Variants in CNTN6 observed in about 807,000 individuals in gnomAD.
CNTN6 encodes contactin 6.
A neutral mutation model predicts 122.8 loss-of-function variants in CNTN6; 137 were observed. The observed-to-expected ratio is 1.12, with a 90% CI of 0.97 to 1.29. CNTN6 has a LOEUF of 1.29. Ranked by LOEUF, CNTN6 falls within the 50% of genes most tolerant of loss-of-function variation. The pLI, the probability that CNTN6 is intolerant of heterozygous loss-of-function variation, is 0.00. For synonymous variants in CNTN6, 570 were observed against 426.0 expected (o/e 1.34, Z -4.16); for missense variants, 1,634 against 1,223.4 (o/e 1.34, Z -5.01).
At chr3:1,312,606 C>T (rs1485200997) in intron 7 of CNTN6, among the ~76,000 whole-genome samples, 1 of 91,076 alleles carries the variant, frequency 1.1e-5, no homozygotes, top group African/African-American at 6.1e-5. Context: ...CACCTTTTGC[C>T]TCTTATACAA....
At chr3:1,374,561 G>A (rs1353732149) in intron 16 of CNTN6, among the ~76,000 whole-genome samples, 1 of 151,948 alleles carries the variant, frequency 6.6e-6, no homozygotes, top group African/African-American at 2.4e-5. Flanking sequence ...ATTTAACAGG[G>A]GCACTAATTG....
chr3:1,291,629 A>T (rs1024816107), intron 5 of CNTN6, among the ~76,000 whole-genome samples: 6 of 152,240 alleles, frequency 3.9e-5, no homozygotes, highest in Admixed American at 6.5e-5. Flanking sequence ...GGAGTCAATG[A>T]CAACAGGGGA....
At chr3:1,293,050 G>C (rs539245756) in intron 5 of CNTN6, among the ~76,000 whole-genome samples, 1 of 152,166 alleles carries the variant, frequency 6.6e-6, no homozygotes, top group East Asian at 1.9e-4. Flanking sequence ...AGCATTTACT[G>C]TGCTCCTGCT....
intron 4 of CNTN6, among the ~76,000 whole-genome samples, chr3:1,276,285 G>C (rs750637526): frequency 1.3e-5 from 2 of 152,158 alleles, no homozygotes; most frequent in South Asian, 4.2e-4. Context: ...TAGGATAATG[G>C]TGTATCAATA....
chr3:1,402,615 A>G, intron 22 of CNTN6, 129 bp downstream of exon 22: 1 of 726,372 alleles, frequency 1.4e-6, no homozygotes, highest in South Asian at 2.6e-5. Flanking sequence ...ATTGTGAGCA[A>G]AAGGTGATGA....
At chr3:1,379,070 TCTC>T (rs1433154175) in intron 17 of CNTN6, among the ~76,000 whole-genome samples, 1 of 152,154 alleles carries the variant, frequency 6.6e-6, no homozygotes, top group Admixed American at 6.6e-5. Context: ...CTTATTTTGT[TCTC>T]CTCCTTGGTA....
intron 2 of CNTN6, among the ~76,000 whole-genome samples, chr3:1,154,448 C>CTTTTTT (rs771133835): frequency 7.1e-5 from 10 of 140,506 alleles, no homozygotes; most frequent in East Asian, 6.3e-4. Flanking sequence ...TCTTTTCTTT[C>CTTTTTT]TTTTTTTTTT....
At chr3:1,294,886 A>G (rs1309603239) in intron 5 of CNTN6, among the ~76,000 whole-genome samples, 1 of 152,098 alleles carries the variant, frequency 6.6e-6, no homozygotes, top group Non-Finnish European at 1.5e-5. Flanking sequence ...AACTGGTGTG[A>G]CCTTTATAGG....
chr3:1,160,237 A>G (rs2093093197), intron 2 of CNTN6, among the ~76,000 whole-genome samples: 1 of 151,738 alleles, frequency 6.6e-6, no homozygotes, highest in Admixed American at 6.6e-5. Flanking sequence ...AGCAGCACAC[A>G]AATCAAGATG....
intron 5 of CNTN6, among the ~76,000 whole-genome samples, chr3:1,280,605 C>T (rs760131814): frequency 1.3e-5 from 2 of 151,452 alleles, no homozygotes; most frequent in Non-Finnish European, 2.9e-5. Context: ...GCTGGGATTA[C>T]ATTTGCACAC....
At chr3:1,273,340 T>C (rs935050752) in intron 4 of CNTN6, among the ~76,000 whole-genome samples, 12 of 152,226 alleles carry the variant, frequency 7.9e-5, no homozygotes, top group African/African-American at 2.7e-4. Context: ...CAAAAATGGA[T>C]AGGACAAAAA....
chr3:1,396,951 A>G (rs576644838), intron 20 of CNTN6, among the ~76,000 whole-genome samples: 3 of 152,230 alleles, frequency 2.0e-5, no homozygotes, highest in Non-Finnish European at 4.4e-5. Context: ...GTAATCTGAT[A>G]TTTGATCTTC....
chr3:1,320,920 AATTAAT>A (rs1425198636), intron 7 of CNTN6, among the ~76,000 whole-genome samples: 3 of 151,702 alleles, frequency 2.0e-5, no homozygotes, highest in African/African-American at 4.8e-5. Context: ...AAGTAGACGA[AATTAAT>A]ATTAATAAAG....
intron 2 of CNTN6, among the ~76,000 whole-genome samples, chr3:1,168,488 T>C (rs1165127030): frequency 6.6e-6 from 1 of 150,932 alleles, no homozygotes; most frequent in Non-Finnish European, 1.5e-5. Context: ...TCACTGCCCT[T>C]TCATCACTGG....
chr3:1,203,446 T>G (rs1004043215), intron 2 of CNTN6, among the ~76,000 whole-genome samples: 6 of 152,166 alleles, frequency 3.9e-5, no homozygotes, highest in Non-Finnish European at 7.4e-5. Flanking sequence ...TGGTGGCATT[T>G]TTGCATGGCA....
At chr3:1,308,287 TTGTG>T (rs113198519) in intron 7 of CNTN6, among the ~76,000 whole-genome samples, 20,018 of 144,790 alleles carry the variant, frequency 0.14, 1,344 homozygotes, top group African/African-American at 0.17. Flanking sequence ...ATGGGGTGTT[TTGTG>T]TGTGTGTGTG....
chr3:1,155,253 G>A (rs567491054), intron 2 of CNTN6, among the ~76,000 whole-genome samples: 3 of 152,142 alleles, frequency 2.0e-5, no homozygotes, highest in South Asian at 2.1e-4. Context: ...ATTGTGAGTC[G>A]TATAAGTGGC....
intron 4 of CNTN6, among the ~76,000 whole-genome samples, chr3:1,249,474 T>G (rs1046409846): frequency 5.9e-5 from 9 of 152,230 alleles, no homozygotes; most frequent in African/African-American, 2.2e-4. Flanking sequence ...TGCTTGAGCA[T>G]TAACCAAAGT....
intron 2 of CNTN6, among the ~76,000 whole-genome samples, chr3:1,153,330 G>A (rs553428231): frequency 2.0e-5 from 3 of 152,174 alleles, no homozygotes; most frequent in East Asian, 3.9e-4. Flanking sequence ...AGGGCCTAAT[G>A]AGCTGGTTTC....
Sources: allele counts gnomAD v4.1 joint callset (sites outside exome capture counted in the v4.1 genomes callset), GRCh38; gene constraint gnomAD v4.1.1; transcripts MANE v1.5; gene names NCBI Gene and HGNC (gene_info 2026-07-23, HGNC 2026-07-21).